Variants in PLEKHD1 observed in about 807,000 individuals in gnomAD.
The protein encoded by PLEKHD1 is pleckstrin homology and coiled-coil domain containing D1.
PLEKHD1 carries 51 observed loss-of-function variants against 69.2 expected under a neutral mutation model. That is an observed-to-expected ratio of 0.74 (90% CI 0.59 to 0.93). PLEKHD1 has a LOEUF of 0.93. PLEKHD1 is among the 40% of genes least tolerant of loss of function. The pLI is 0.00. For synonymous variants in PLEKHD1, 236 were observed against 244.7 expected (o/e 0.96, Z 0.33); for missense variants, 584 against 641.0 (o/e 0.91, Z 0.96).
chr14:69,522,608 A>G (rs952324022), intron 7 of PLEKHD1, among the ~76,000 whole-genome samples: 3 of 151,974 alleles, frequency 2.0e-5, no homozygotes, highest in Non-Finnish European at 4.4e-5. Flanking sequence ...TACCCACTAG[A>G]GCATAAGGCA....
intron 4 of PLEKHD1, chr14:69,501,527 G>C: frequency 2.1e-6 from 1 of 470,478 alleles, no homozygotes; most frequent in Non-Finnish European, 3.8e-6. Context: ...TTTGCAGCCT[G>C]GGCCAGCCTC....
chr14:69,499,002 C>T (rs1361507259), intron 1 of PLEKHD1, among the ~76,000 whole-genome samples: 3 of 152,096 alleles, frequency 2.0e-5, no homozygotes, highest in Admixed American at 6.6e-5. Flanking sequence ...CGACCAGTGG[C>T]GTGCTGGCAA....
the PLEKHD1 span, among the ~76,000 whole-genome samples, chr14:69,471,221 T>C: frequency 6.9e-6 from 1 of 145,506 alleles, no homozygotes; most frequent in Non-Finnish European, 1.5e-5. Context: ...TCTTCCCATC[T>C]CAGCCTCCTG....
intron 1 of PLEKHD1, among the ~76,000 whole-genome samples, chr14:69,494,914 G>T (rs1162717789): frequency 2.0e-5 from 3 of 152,164 alleles, no homozygotes; most frequent in South Asian, 4.1e-4. Context: ...TGCTTGCCAG[G>T]TGAGCCCTCC....
intron 1 of PLEKHD1, among the ~76,000 whole-genome samples, chr14:69,486,204 A>G (rs1188687916): frequency 1.3e-5 from 2 of 152,160 alleles, no homozygotes; most frequent in South Asian, 2.1e-4. Context: ...GGGGCCTCCA[A>G]TGTTCCCAGG....
chr14:69,502,879 G>T lies in PLEKHD1; in HGVS notation c.555G>T (p.Glu185Asp), dbSNP rs1326832687. ...EELCLQREQR[E>D]ELERLNQVLE... ...TCTGCCTTCAGAGGGAGCAGAGAGA[G>T]GTAGGTGCACACCAAGGGGCTCTCA... The change falls in exon 6 of 13, where the codon GAG becomes GAT. Residue 185 changes from glutamate (E) to aspartate (D), a missense_variant and splice_region_variant. Transcript: ENST00000322564. The T allele has an allele frequency of 6.4e-7, 1 of 1,551,698 alleles. No individual in the cohort carries two copies. Among genetic ancestry groups the T allele is most frequent in the Non-Finnish European group, 8.7e-7 (1 of 1,146,978 alleles).
Position 69,526,031 on chromosome 14 carries a change from C to A in PLEKHD1, c.832C>A (p.Pro278Thr), listed in dbSNP as rs1309472028. Residue 278 changes from proline (P) to threonine (T), a missense_variant, in exon 9 of 13, where the codon CCC becomes ACC. By Grantham distance (38) the Pro-to-Thr change is conservative. Coordinates refer to ENST00000322564, the MANE Select transcript of PLEKHD1 (RefSeq NM_001161498.2). ...GACACTGGCCAATCAGAGTGAGCAG[C>A]CCCCTCCCAGTGGGGGCCTCCATAG... ...LQTLANQSEQ[P>T]PPSGGLHSNL... is the part of the protein sequence containing the mutation. The A allele has an allele frequency of 2.6e-6, 4 of 1,551,508 alleles. No homozygotes were observed. The highest frequency in any genetic ancestry group is 2.4e-5 in the East Asian group (1 of 40,926).
intron 5 of PLEKHD1, chr14:69,502,043 C>T (rs1883041587): frequency 4.4e-6 from 2 of 453,864 alleles, no homozygotes; most frequent in Non-Finnish European, 4.0e-6. Flanking sequence ...AGAGCCTGGG[C>T]TCTGGATCCA....
At chr14:69,526,979 C>A in intron 10 of PLEKHD1, 150 bp downstream of exon 10, 2 of 1,282,466 alleles carry the variant, frequency 1.6e-6, no homozygotes, top group Non-Finnish European at 2.1e-6. Context: ...CGAGGGGAAG[C>A]AGCAAGTCTG....
chr14:69,522,515 G>A lies in PLEKHD1; in HGVS notation c.650+138G>A, dbSNP rs533155248. ...TCCAGGCTTGGGTCTATCCCAGTTT[G>A]AGTCTGTCCTCCAAGGCTCCAGGTT... On this transcript the variant is annotated intron_variant, in intron 7 of 12. Transcript: ENST00000322564. The A allele has an allele frequency of 2.7e-5, 24 of 883,534 alleles. No homozygotes were observed. In the South Asian group the frequency reaches 4.2e-4, roughly 15 times the overall value. 54.7% of individuals were successfully genotyped at this position (883,534 alleles called of 1,614,324 possible).
At chr14:69,479,719 G>A (rs1251366541), upstream of PLEKHD1, among the ~76,000 whole-genome samples, 6 of 152,124 alleles carry the variant, frequency 3.9e-5, no homozygotes, top group African/African-American at 1.2e-4. Flanking sequence ...TTCAGAACAC[G>A]AAAGCCCAGA....
chr14:69,484,289 G>A (rs1882602768), upstream of PLEKHD1, among the ~76,000 whole-genome samples: 1 of 152,246 alleles, frequency 6.6e-6, no homozygotes, highest in Non-Finnish European at 1.5e-5. Context: ...TCACGGAGCG[G>A]TAGGAATTGC....
chr14:69,489,558 C>CAAAAAAAAAAAAAAAAAA (rs1166429791), intron 1 of PLEKHD1, among the ~76,000 whole-genome samples: 1 of 59,892 alleles, frequency 1.7e-5, no homozygotes, highest in African/African-American at 7.1e-5. Flanking sequence ...TACTCCATCT[C>CAAAAAAAAAAAAAAAAAA]AAAAAAAAAA....
chr14:69,529,416 G>A lies in PLEKHD1; in HGVS notation c.*997G>A, dbSNP rs1883742417. The stretch of plus-strand genomic sequence containing the variant: ...AATAAAATAAATAGCTGGGCATGGT[G>A]GTGCATGCCTGTAGTCCCAGCTACT... On this transcript the variant is annotated 3_prime_UTR_variant, in exon 13 of 13. Transcript: ENST00000322564. 6.6e-6 allele frequency: 1 copy of A among 152,202 alleles called. No homozygotes were observed. The highest frequency in any genetic ancestry group is 1.5e-5 in the Non-Finnish European group (1 of 68,090). The allele number at this position is 152,202 out of a possible 1,614,324, so 9.4% of individuals were successfully genotyped here.
rs1882618538 is a variant in PLEKHD1, at chr14:69,484,890, C to T, written c.-76C>T. ...CTGGGACGCTCTCCGACGGCTCCGCCCTCGCCTCTCGCCCCGAGTCCCTGC... is the reference window on the plus strand; with the variant it reads ...CTGGGACGCTCTCCGACGGCTCCGCTCTCGCCTCTCGCCCCGAGTCCCTGC... On this transcript the variant is annotated 5_prime_UTR_variant, in exon 1 of 13. Coordinates refer to ENST00000322564, the MANE Select transcript of PLEKHD1 (RefSeq NM_001161498.2). The T allele has an allele frequency of 6.7e-7, 1 of 1,501,850 alleles. No homozygotes were observed. The highest frequency in any genetic ancestry group is 1.3e-5 in the South Asian group (1 of 79,160). The allele number at this position is 1,501,850 out of a possible 1,614,324, so 93.0% of individuals were successfully genotyped here.
intron 7 of PLEKHD1, among the ~76,000 whole-genome samples, chr14:69,522,989 A>G (rs1298907364): frequency 6.6e-6 from 1 of 152,108 alleles, no homozygotes; most frequent in Non-Finnish European, 1.5e-5. Flanking sequence ...GCTGGAGTGC[A>G]GTGGCACGAT....
the PLEKHD1 span, among the ~76,000 whole-genome samples, chr14:69,471,055 GC>G: frequency 6.9e-6 from 1 of 145,608 alleles, no homozygotes; most frequent in Non-Finnish European, 1.5e-5. Context: ...CCTCCCAAAG[GC>G]CTGGGATTAC....
chr14:69,527,065 G>A (rs1883668436), intron 10 of PLEKHD1, 123 bp from the exon 11 acceptor site: 1 of 1,284,088 alleles, frequency 7.8e-7, no homozygotes, highest in Non-Finnish European at 1.1e-6. Context: ...AGACTCAGAA[G>A]CGGGATGTGA....
intron 6 of PLEKHD1, among the ~76,000 whole-genome samples, chr14:69,511,321 G>A (rs1378942153): frequency 6.6e-6 from 1 of 151,972 alleles, no homozygotes; most frequent in African/African-American, 2.4e-5. Context: ...ACCATGCCCT[G>A]CTAATTTTGT....
Sources: allele counts gnomAD v4.1 joint callset (sites outside exome capture counted in the v4.1 genomes callset), GRCh38; gene constraint gnomAD v4.1.1; transcripts MANE v1.5; gene names NCBI Gene and HGNC (gene_info 2026-07-23, HGNC 2026-07-21).